STAU2: variants seen among roughly 807,000 people sequenced by gnomAD.
STAU2 encodes the protein staufen double-stranded RNA binding protein 2, also known as double-stranded RNA-binding protein Staufen homolog 2.
A neutral mutation model predicts 65.9 loss-of-function variants in STAU2; 20 were observed. The observed-to-expected ratio is 0.30, with a 90% CI of 0.21 to 0.44. The LOEUF (loss-of-function observed/expected upper bound fraction) is 0.44, where lower values mean the gene tolerates loss of function less well. Ranked by LOEUF, STAU2 falls within the 20% of genes least tolerant of loss-of-function variation. The probability of loss-of-function intolerance (pLI) is 1.00; values close to 1 mark genes in which losing one functional copy is unlikely to be tolerated. For missense variants in STAU2, 558 were observed against 683.9 expected, an observed-to-expected ratio of 0.82 and a Z score of 2.05; for synonymous variants, 232 against 233.9, an observed-to-expected ratio of 0.99 and a Z score of 0.07.
chr8:73,446,629 T>TTTTAA (rs545315375), intron 13 of STAU2, among the ~76,000 whole-genome samples: 47 of 152,280 alleles, frequency 3.1e-4, no homozygotes, highest in African/African-American at 7.2e-4. Context: ...TATTTTACAT[T>TTTTAA]TTTAATTTAA....
intron 8 of STAU2, among the ~76,000 whole-genome samples, chr8:73,614,193 T>A (rs921024208): frequency 1.3e-5 from 2 of 152,176 alleles, no homozygotes; most frequent in Non-Finnish European, 2.9e-5. Flanking sequence ...AAATGATTTA[T>A]TACTTTAAAA....
chr8:73,639,049 T>A (rs1481583767), intron 6 of STAU2, among the ~76,000 whole-genome samples: 2 of 152,028 alleles, frequency 1.3e-5, no homozygotes, highest in Non-Finnish European at 2.9e-5. Context: ...AAGATTAATA[T>A]GAAATATAAC....
Position 73,595,219 on chromosome 8 carries a change from G to A in STAU2, c.1108C>T (p.Leu370=), listed in dbSNP as rs746078568. The A allele has an allele frequency of 9.9e-6, 16 of 1,611,198 alleles. No homozygotes were observed. In the East Asian group the frequency reaches 3.1e-4, roughly 32 times the overall value. ...IAKKNAAEAM[L]LQLGYKASTN... ...GATGCTTTATAACCAAGTTGTAACA[G>A]CATTGCTTCTGCAGCATTTTTTTTG... Residue 370 remains leucine (L), a synonymous_variant, in exon 11 of 15, where the codon CTG becomes TTG. Coordinates refer to ENST00000524300, the MANE Select transcript of STAU2 (RefSeq NM_001164380.2).
intron 6 of STAU2, chr8:73,669,003 C>A: frequency 1.4e-6 from 1 of 698,920 alleles, no homozygotes; most frequent in South Asian, 1.5e-5. Context: ...CTTCACCTTT[C>A]ATTCCCTGCC....
chr8:73,607,829 T>G (rs1306222589), intron 9 of STAU2, among the ~76,000 whole-genome samples: 1 of 152,116 alleles, frequency 6.6e-6, no homozygotes, highest in East Asian at 1.9e-4. Context: ...AATAAAAGTC[T>G]GCGTATATCA....
At chr8:73,569,028 G>A (rs1808833940) in intron 12 of STAU2, among the ~76,000 whole-genome samples, 1 of 152,138 alleles carries the variant, frequency 6.6e-6, no homozygotes, top group African/African-American at 2.4e-5. Context: ...CACCTGGGAA[G>A]CGCAAGGGGT....
At chr8:73,498,409 T>C (rs1225687736) in intron 13 of STAU2, among the ~76,000 whole-genome samples, 2 of 151,850 alleles carry the variant, frequency 1.3e-5, no homozygotes, top group African/African-American at 4.8e-5. Flanking sequence ...GTAGCCTGCA[T>C]TGATTCCATA....
intron 13 of STAU2, chr8:73,527,866 G>A: frequency 2.2e-6 from 1 of 459,730 alleles, no homozygotes; most frequent in Non-Finnish European, 3.3e-6. Flanking sequence ...ATGCAAATAG[G>A]TCCTTTTGCA....
chr8:73,542,105 T>C (rs1806582824), intron 13 of STAU2, among the ~76,000 whole-genome samples: 1 of 152,116 alleles, frequency 6.6e-6, no homozygotes, highest in Non-Finnish European at 1.5e-5. Context: ...AGAAGCTAAA[T>C]GTATCCCAAA....
At chr8:73,512,458 G>C (rs1822460317) in intron 13 of STAU2, among the ~76,000 whole-genome samples, 1 of 152,006 alleles carries the variant, frequency 6.6e-6, no homozygotes, top group Non-Finnish European at 1.5e-5. Context: ...TGCAAATCTT[G>C]CATCTCTGTG....
rs116549498 is a variant in STAU2, at chr8:73,525,667, C to T, written c.1530+26345G>A. On this transcript the variant is annotated intron_variant, in intron 13 of 14. Coordinates refer to ENST00000524300, the MANE Select transcript of STAU2 (RefSeq NM_001164380.2). ...TACAGCAACATGCCACCTCTGTGAACAGTGGGTTGCTCTTTTCAGAGGTGT... is the reference window on the plus strand; with the variant it reads ...TACAGCAACATGCCACCTCTGTGAATAGTGGGTTGCTCTTTTCAGAGGTGT... Among the ~76,000 whole-genome samples, 591 of 152,332 alleles carry T rather than the reference C, an allele frequency of 3.9e-3. 4 individuals carry two copies. Among genetic ancestry groups the T allele is most frequent in the African/African-American group, 0.014 (567 of 41,576 alleles).
chr8:73,574,176 C>T (rs1287489531), intron 12 of STAU2, among the ~76,000 whole-genome samples: 1 of 152,148 alleles, frequency 6.6e-6, no homozygotes, highest in African/African-American at 2.4e-5. Flanking sequence ...CACTGGCCAT[C>T]AGAGAAATGC....
intron 5 of STAU2, among the ~76,000 whole-genome samples, chr8:73,679,530 A>G (rs1042547549): frequency 6.6e-6 from 1 of 152,170 alleles, no homozygotes; most frequent in African/African-American, 2.4e-5. Flanking sequence ...CAGATCACAG[A>G]AGAATTTAAC....
intron 13 of STAU2, chr8:73,549,650 G>A (rs1807178097): frequency 1.3e-5 from 13 of 985,090 alleles, no homozygotes; most frequent in Non-Finnish European, 1.6e-5. Context: ...CAATATAGCT[G>A]TCACATACAA....
chr8:73,687,356 T>TTTATATTTATA (rs1243776186), intron 5 of STAU2, among the ~76,000 whole-genome samples: 3,334 of 15,088 alleles, frequency 0.22, 244 homozygotes, highest in Middle Eastern at 0.35. Context: ...ATAATTTATA[T>TTTATATTTATA]AATATAAATA....
chr8:73,698,197 C>T (rs926141255), intron 4 of STAU2, among the ~76,000 whole-genome samples: 2 of 151,792 alleles, frequency 1.3e-5, no homozygotes, highest in Admixed American at 1.3e-4. Flanking sequence ...AAGCATACCA[C>T]CACAGAAAAT....
chr8:73,715,497 T>C (rs1475034513), intron 3 of STAU2, among the ~76,000 whole-genome samples: 1 of 150,072 alleles, frequency 6.7e-6, no homozygotes, highest in African/African-American at 2.4e-5. Flanking sequence ...CAAATTCCAG[T>C]GATATATAAT....
Position 73,721,287 on chromosome 8 carries a change from C to CAA in STAU2, c.-17-12127_-17-12126dup, listed in dbSNP as rs35721754. On this transcript the variant is annotated intron_variant, in intron 3 of 14. Transcript: ENST00000524300. ...CGTGAACAAAGCAAAACCCCACCTC[C>CAA]AAAAAAAAAAAAAAAAAAAAAAAAA... 5.5e-3 allele frequency among the ~76,000 whole-genome samples: 69 copies of CAA among 12,462 alleles called. 9 individuals carry two copies. Among genetic ancestry groups the CAA allele is most frequent in the African/African-American group, 0.022 (60 of 2,774 alleles). The allele number at this position is 12,462 out of a possible 152,430, so 8.2% of individuals were successfully genotyped here. A position where few individuals can be genotyped will look rare whatever the true frequency, so the allele number is the denominator to read the frequency against.
intron 6 of STAU2, among the ~76,000 whole-genome samples, chr8:73,649,291 C>T (rs1310427151): frequency 6.6e-6 from 1 of 152,148 alleles, no homozygotes; most frequent in East Asian, 1.9e-4. Flanking sequence ...ATTTTTCCAA[C>T]GTCTCATCAC....
Sources: gnomAD v4.1 joint callset for allele counts (sites outside exome capture counted in the v4.1 genomes callset) on GRCh38, gnomAD v4.1.1 for gene constraint, MANE v1.5 for transcripts, NCBI Gene and HGNC (gene_info 2026-07-23, HGNC 2026-07-21) for gene names.